The following METTL15 variants were observed in gnomAD, a reference collection of about 807,000 sequenced individuals.
METTL15 encodes the protein methyltransferase 15, mitochondrial 12S rRNA N4-cytidine.
METTL15 carries 34 observed loss-of-function variants against 38.3 expected under a neutral mutation model. The ratio of observed to expected loss-of-function variants is 0.89; its 90% CI spans 0.68 to 1.18. METTL15 has a LOEUF of 1.18. Among genes scored for constraint, METTL15 ranks in the 50% most tolerant of loss-of-function variants. METTL15 has a pLI of 0.00. For missense variants in METTL15, 438 were observed against 498.4 expected, an observed-to-expected ratio of 0.88 and a Z score of 1.15; for synonymous variants, 162 against 170.9, an observed-to-expected ratio of 0.95 and a Z score of 0.41.
At chr11:28,315,238 G>C (rs1186840805) in intron 6 of METTL15, among the ~76,000 whole-genome samples, 1 of 152,180 alleles carries the variant, frequency 6.6e-6, no homozygotes, top group Non-Finnish European at 1.5e-5. Context: ...AACGCTGATT[G>C]AGATATGGAT....
chr11:28,397,904 C>A (rs2133400963), intron 5 of METTL15, among the ~76,000 whole-genome samples: 1 of 152,244 alleles, frequency 6.6e-6, no homozygotes, highest in East Asian at 1.9e-4. Context: ...GAATACTATG[C>A]AGCCATAAAA....
intron 6 of METTL15, among the ~76,000 whole-genome samples, chr11:28,481,823 G>C (rs1252430123): frequency 6.6e-6 from 1 of 152,068 alleles, no homozygotes; most frequent in African/African-American, 2.4e-5. Flanking sequence ...TACCACTTTG[G>C]GAAGCAATAA....
At chr11:28,203,482 AAG>A (rs1455738959) in intron 3 of METTL15, among the ~76,000 whole-genome samples, 7 of 152,112 alleles carry the variant, frequency 4.6e-5, no homozygotes, top group African/African-American at 1.4e-4. Flanking sequence ...CATATTAAGA[AAG>A]AGAAAACTTT....
chr11:28,212,197 T>C (rs1301751103), intron 4 of METTL15, among the ~76,000 whole-genome samples: 2 of 152,040 alleles, frequency 1.3e-5, no homozygotes, highest in Non-Finnish European at 2.9e-5. Flanking sequence ...ACTCTCCCCA[T>C]AAAACTATAA....
chr11:28,350,172 A>C (rs1850029257), intron 3 of METTL15, among the ~76,000 whole-genome samples: 1 of 152,196 alleles, frequency 6.6e-6, no homozygotes, highest in Admixed American at 6.5e-5. Context: ...CGGTTCCTGT[A>C]TCCAAAAGAG....
At chr11:28,144,903 A>T (rs1157930839) in intron 3 of METTL15, 2 of 164,234 alleles carry the variant, frequency 1.2e-5, no homozygotes, top group African/African-American at 2.4e-5. Flanking sequence ...GTCATACATT[A>T]TAGGCAATGG....
chr11:28,367,920 T>C (rs1159898144), intron 5 of METTL15, among the ~76,000 whole-genome samples: 1 of 151,342 alleles, frequency 6.6e-6, no homozygotes, highest in Non-Finnish European at 1.5e-5. Context: ...TGGAACCCTT[T>C]TACAACTTAT....
chr11:28,366,759 C>G (rs1850190138), intron 5 of METTL15, among the ~76,000 whole-genome samples: 3 of 152,050 alleles, frequency 2.0e-5, no homozygotes, highest in Non-Finnish European at 1.5e-5. Context: ...CTCTGCCAAC[C>G]CATATTTAAA....
At chr11:28,110,669 G>A (rs1029135980) in intron 2 of METTL15, among the ~76,000 whole-genome samples, 1 of 152,040 alleles carries the variant, frequency 6.6e-6, no homozygotes, top group East Asian at 1.9e-4. Context: ...CAGCCGCCAC[G>A]TCGCGTTTTT....
intron 6 of METTL15, among the ~76,000 whole-genome samples, chr11:28,518,205 G>A (rs924183768): frequency 6.6e-6 from 1 of 152,102 alleles, no homozygotes; most frequent in Non-Finnish European, 1.5e-5. Flanking sequence ...AGGCAGTACA[G>A]GATCTCATCT....
chr11:28,528,660 T>A (rs1162122345), downstream of METTL15, among the ~76,000 whole-genome samples: 1 of 152,232 alleles, frequency 6.6e-6, no homozygotes, highest in Non-Finnish European at 1.5e-5. Context: ...TATTAGTCAT[T>A]CTCTGATAAT....
chr11:28,242,723 G>A (rs1451983956), intron 4 of METTL15, among the ~76,000 whole-genome samples: 1 of 152,026 alleles, frequency 6.6e-6, no homozygotes, highest in Non-Finnish European at 1.5e-5. Context: ...CCTTAAAGCC[G>A]ATCTGACTAG....
intron 6 of METTL15, among the ~76,000 whole-genome samples, chr11:28,495,470 G>T (rs560339491): frequency 6.6e-6 from 1 of 152,286 alleles, no homozygotes; most frequent in South Asian, 2.1e-4. Context: ...ATGCTTGTAA[G>T]GGGGGTGTCC....
At chr11:28,233,916 T>C (rs1051194199) in intron 4 of METTL15, among the ~76,000 whole-genome samples, 3 of 151,564 alleles carry the variant, frequency 2.0e-5, no homozygotes, top group Non-Finnish European at 2.9e-5. Flanking sequence ...AACTCGTCAT[T>C]TAGCATTAGG....
intron 6 of METTL15, among the ~76,000 whole-genome samples, chr11:28,489,525 G>A (rs191556681): frequency 3.3e-5 from 5 of 152,188 alleles, no homozygotes; most frequent in Non-Finnish European, 1.5e-5. Flanking sequence ...TAAATCCATA[G>A]GAGGGGGTCT....
chr11:28,401,918 C>G (rs1850634173), intron 5 of METTL15, among the ~76,000 whole-genome samples: 2 of 151,906 alleles, frequency 1.3e-5, no homozygotes, highest in Admixed American at 1.3e-4. Context: ...AAAAGTGTAC[C>G]TTAATAAATG....
chr11:28,298,900 G>T (rs776915527), intron 6 of METTL15, among the ~76,000 whole-genome samples: 1 of 151,958 alleles, frequency 6.6e-6, no homozygotes. Flanking sequence ...TTTGAGAGAG[G>T]CTGCTTTATA....
intron 3 of METTL15, among the ~76,000 whole-genome samples, chr11:28,127,556 A>T (rs1852549649): frequency 6.6e-6 from 1 of 152,084 alleles, no homozygotes; most frequent in Admixed American, 6.6e-5. Context: ...ATTTATTCTT[A>T]ACTTTTTCCT....
intron 6 of METTL15, among the ~76,000 whole-genome samples, chr11:28,329,918 T>TA (rs1849759312): frequency 6.6e-6 from 1 of 152,176 alleles, no homozygotes; most frequent in Non-Finnish European, 1.5e-5. Flanking sequence ...AGTGTGCTCA[T>TA]AAAAAATTAG....
Sources: gnomAD v4.1 joint callset for allele counts (sites outside exome capture counted in the v4.1 genomes callset) on GRCh38, gnomAD v4.1.1 for gene constraint, MANE v1.5 for transcripts, NCBI Gene and HGNC (gene_info 2026-07-23, HGNC 2026-07-21) for gene names.